Variants in SLC4A5 observed in about 807,000 individuals in gnomAD.
SLC4A5 encodes the protein electrogenic sodium bicarbonate cotransporter 4.
SLC4A5 carries 96 observed loss-of-function variants against 120.4 expected under a neutral mutation model. The ratio of observed to expected loss-of-function variants is 0.80; its 90% confidence interval spans 0.68 to 0.94. The LOEUF (loss-of-function observed/expected upper bound fraction) is 0.94, where lower values mean the gene tolerates loss of function less well. Ranked by LOEUF, SLC4A5 falls within the 40% of genes least tolerant of loss-of-function variation. The pLI is 0.00. For missense variants in SLC4A5, 1,259 were observed against 1,459.5 expected (o/e 0.86, Z 2.24); for synonymous variants, 550 against 571.1 (o/e 0.96, Z 0.53).
chr2:74,274,290 A>G (rs1671570348), intron 8 of SLC4A5, among the ~76,000 whole-genome samples: 1 of 152,170 alleles, frequency 6.6e-6, no homozygotes, highest in Non-Finnish European at 1.5e-5. Context: ...GCAACAGAGC[A>G]AGACTCTGTC....
At chr2:74,326,826 CT>C (rs1361514161) in intron 5 of SLC4A5, among the ~76,000 whole-genome samples, 2 of 152,032 alleles carry the variant, frequency 1.3e-5, no homozygotes, top group Non-Finnish European at 2.9e-5. Flanking sequence ...CACCTTAAGC[CT>C]GTAAGACCAA....
intron 10 of SLC4A5, among the ~76,000 whole-genome samples, chr2:74,263,064 A>C (rs914709890): frequency 6.6e-6 from 1 of 152,140 alleles, no homozygotes; most frequent in Middle Eastern, 3.2e-3. Context: ...TTTTGAGACA[A>C]GGACTTGCTC....
At chr2:74,226,679 C>G (rs941418347) in intron 27 of SLC4A5, among the ~76,000 whole-genome samples, 1 of 152,180 alleles carries the variant, frequency 6.6e-6, no homozygotes, top group Non-Finnish European at 1.5e-5. Context: ...GATTTTCTTT[C>G]TCCGTCCCTC....
chr2:74,295,961 G>A (rs189778268), intron 7 of SLC4A5, among the ~76,000 whole-genome samples: 3 of 152,290 alleles, frequency 2.0e-5, no homozygotes, highest in Admixed American at 2.0e-4. Context: ...TCTAGAATGT[G>A]GCGAGGAGGC....
chr2:74,227,942 G>T, intron 25 of SLC4A5, 64 bp from the exon 26 acceptor site: 1 of 1,250,372 alleles, frequency 8.0e-7, no homozygotes, highest in Non-Finnish European at 1.1e-6. Flanking sequence ...ACCCTGTTCT[G>T]GATGACAGTG....
Position 74,247,271 on chromosome 2 carries a change from C to T in SLC4A5, c.1824G>A (p.Trp608Ter). 8 of 1,614,092 alleles carry T rather than the reference C, an allele frequency of 5.0e-6. No homozygotes were observed. The highest frequency in any genetic ancestry group is 6.8e-6 in the Non-Finnish European group (8 of 1,179,994). Residue 608 changes from tryptophan (W) to a stop codon, truncating the protein, a stop_gained, in exon 19 of 31, where the codon TGG becomes TGA. Coordinates refer to ENST00000394019, the Ensembl canonical transcript of SLC4A5. LOFTEE classifies it high-confidence loss of function. ...ACTGGACAGCTGAGTGTAGGCCAATCCAGAGGCGGAACTCCATGTAGTCCA... is the reference window on the plus strand; with the variant it reads ...ACTGGACAGCTGAGTGTAGGCCAATTCAGAGGCGGAACTCCATGTAGTCCA...
chr2:74,330,626 CAGA>C (rs1673334871), intron 4 of SLC4A5, among the ~76,000 whole-genome samples: 1 of 7,230 alleles, frequency 1.4e-4, no homozygotes. Flanking sequence ...GTGGTGATGT[CAGA>C]TGGAGGTGGT....
exon 29 of SLC4A5, chr2:74,222,928 T>C (rs1694704947): frequency 6.2e-7 from 1 of 1,612,764 alleles, no homozygotes; most frequent in Non-Finnish European, 8.5e-7. Flanking sequence ...GGAATCTTTA[T>C]AACCGAGGGA....
chr2:74,250,202 C>T, intron 17 of SLC4A5, 141 bp downstream of exon 17: 2 of 691,340 alleles, frequency 2.9e-6, no homozygotes, highest in Non-Finnish European at 4.8e-6. Context: ...TTACTTGAAG[C>T]GTAAAGGATT....
intron 24 of SLC4A5, among the ~76,000 whole-genome samples, chr2:74,231,605 T>C (rs113357552): frequency 7.9e-5 from 12 of 152,378 alleles, no homozygotes; most frequent in African/African-American, 2.4e-4. Context: ...GCTCTGCCAC[T>C]TGCTAGTTAT....
At chr2:74,280,428 G>A (rs149704688) in intron 8 of SLC4A5, among the ~76,000 whole-genome samples, 166 of 152,296 alleles carry the variant, frequency 1.1e-3, no homozygotes, top group African/African-American at 3.8e-3. Flanking sequence ...CAAGAGAGCA[G>A]GGGCAGCATC....
chr2:74,257,610 C>T (rs1671010458), intron 12 of SLC4A5, among the ~76,000 whole-genome samples: 1 of 152,094 alleles, frequency 6.6e-6, no homozygotes, highest in Non-Finnish European at 1.5e-5. Context: ...ACAAGAGTCT[C>T]ACTCTGTCGT....
intron 7 of SLC4A5, among the ~76,000 whole-genome samples, chr2:74,300,830 A>C (rs1441472494): frequency 2.0e-5 from 3 of 152,222 alleles, no homozygotes; most frequent in Admixed American, 2.0e-4. Context: ...GAGCCAGTAC[A>C]AGAAGGACAA....
At chr2:74,260,773 A>G (rs951435067) in intron 11 of SLC4A5, among the ~76,000 whole-genome samples, 1 of 152,028 alleles carries the variant, frequency 6.6e-6, no homozygotes, top group Admixed American at 6.6e-5. Flanking sequence ...TCCTACTCAG[A>G]CAGAAATCCG....
At chr2:74,275,271 C>T (rs1454945857) in intron 8 of SLC4A5, among the ~76,000 whole-genome samples, 1 of 152,190 alleles carries the variant, frequency 6.6e-6, no homozygotes, top group African/African-American at 2.4e-5. Flanking sequence ...AAGGGTCCAT[C>T]CTCCTGCACA....
At chr2:74,229,932 A>G (rs1456700540) in intron 25 of SLC4A5, among the ~76,000 whole-genome samples, 3 of 141,540 alleles carry the variant, frequency 2.1e-5, no homozygotes, top group African/African-American at 8.2e-5. Flanking sequence ...CCCAGGCTGG[A>G]GTGCAGTGGC....
At chr2:74,270,399 C>T (rs771357259) in intron 8 of SLC4A5, among the ~76,000 whole-genome samples, 11 of 152,172 alleles carry the variant, frequency 7.2e-5, no homozygotes, top group East Asian at 1.9e-4. Context: ...TGGGGCTGGG[C>T]GCGGTGGCTC....
At chr2:74,262,065 T>C in intron 11 of SLC4A5, 72 bp downstream of exon 11, 1 of 1,396,884 alleles carries the variant, frequency 7.2e-7, no homozygotes, top group East Asian at 2.4e-5. Context: ...CCCCCACCTA[T>C]GGCAATGTGG....
At chr2:74,308,406 A>T (rs906125101) in intron 6 of SLC4A5, among the ~76,000 whole-genome samples, 2 of 152,202 alleles carry the variant, frequency 1.3e-5, no homozygotes, top group African/African-American at 4.8e-5. Flanking sequence ...GCAGTTTTTT[A>T]AAAAATAGCC....
Sources: allele counts gnomAD v4.1 joint callset (sites outside exome capture counted in the v4.1 genomes callset), GRCh38; gene constraint gnomAD v4.1.1; transcripts MANE v1.5; gene names NCBI Gene and HGNC (gene_info 2026-07-23, HGNC 2026-07-21).